SVEP1: variants seen among roughly 807,000 people sequenced by gnomAD.
SVEP1 encodes sushi, von Willebrand factor type A, EGF and pentraxin domain-containing protein 1.
Under a neutral mutation model 367.3 loss-of-function variants are expected in SVEP1, and 164 were observed. That is an observed-to-expected ratio of 0.45 (90% CI 0.39 to 0.51). SVEP1 has a LOEUF of 0.51. SVEP1 is among the 20% of genes least tolerant of loss of function. The pLI, the probability that SVEP1 is intolerant of heterozygous loss-of-function variation, is 0.00. For synonymous variants in SVEP1, 1,666 were observed against 1,611.6 expected (o/e 1.03, Z -0.81); for missense variants, 4,117 against 4,425.3 (o/e 0.93, Z 1.98).
intron 14 of SVEP1, among the ~76,000 whole-genome samples, chr9:110,474,117 CA>C (rs1047449422): frequency 6.6e-5 from 10 of 152,162 alleles, no homozygotes; most frequent in Non-Finnish European, 2.9e-5. Flanking sequence ...TCTCCTGCCT[CA>C]GCCTCCCGAG....
chr9:110,562,267 A>T (rs1204234608), intron 1 of SVEP1, among the ~76,000 whole-genome samples: 2 of 152,200 alleles, frequency 1.3e-5, no homozygotes, highest in Non-Finnish European at 2.9e-5. Flanking sequence ...ATCCAAATGA[A>T]AATTGGAGGC....
intron 3 of SVEP1, among the ~76,000 whole-genome samples, chr9:110,531,729 T>A (rs1011254711): frequency 1.3e-5 from 2 of 152,180 alleles, no homozygotes; most frequent in Non-Finnish European, 2.9e-5. Context: ...ATGGATTTGT[T>A]AAATAGCTCG....
chr9:110,402,632 G>C (rs931855704), intron 39 of SVEP1, among the ~76,000 whole-genome samples: 1 of 151,812 alleles, frequency 6.6e-6, no homozygotes, highest in Non-Finnish European at 1.5e-5. Context: ...CAGTATCACA[G>C]AGTTCTCCAG....
intron 47 of SVEP1, among the ~76,000 whole-genome samples, 194 bp from the exon 48 acceptor site, chr9:110,366,754 A>G (rs575160990): frequency 6.6e-6 from 1 of 152,322 alleles, no homozygotes; most frequent in African/African-American, 2.4e-5. Context: ...TAACTTATGG[A>G]AAGATCTGAG....
At chr9:110,528,156 GTATATATATATATATA>G (rs59360366) in intron 3 of SVEP1, among the ~76,000 whole-genome samples, 21 of 33,948 alleles carry the variant, frequency 6.2e-4, no homozygotes, top group Non-Finnish European at 9.7e-4. Context: ...GTGTGTGTGT[GTATATATATATATATA>G]TATATATATA....
intron 24 of SVEP1, among the ~76,000 whole-genome samples, chr9:110,447,489 T>C (rs1244815316): frequency 6.6e-6 from 1 of 152,240 alleles, no homozygotes; most frequent in Admixed American, 6.5e-5. Flanking sequence ...CCAAGTTCTA[T>C]TGCTACCAAG....
At chr9:110,491,338 T>C (rs1250509432) in intron 8 of SVEP1, among the ~76,000 whole-genome samples, 1 of 152,002 alleles carries the variant, frequency 6.6e-6, no homozygotes, top group Non-Finnish European at 1.5e-5. Flanking sequence ...TTTTGCTTTT[T>C]AAATTTTTTC....
At chr9:110,473,468 A>G (rs1165903002) in intron 14 of SVEP1, among the ~76,000 whole-genome samples, 3 of 152,118 alleles carry the variant, frequency 2.0e-5, no homozygotes, top group Admixed American at 6.5e-5. Context: ...ACACACACAA[A>G]CCTGGAATAA....
rs368988305 is a variant in SVEP1, at chr9:110,377,288, C to T, written c.10487G>A (p.Gly3496Glu). Residue 3496 changes from glycine (G) to glutamate (E), a missense_variant, in exon 45 of 48, where the codon GGG becomes GAG. Transcript: ENST00000374469. The part of the protein sequence containing the change: ...NACSCPEGWM[G>E]RLCEEPICIL... Reference sequence around the variant, plus strand: ...CAACTCACGTTCTTCACAGAGGCGCCCCATCCAGCCCTCTGGACAGGAACA... The same window carrying T: ...CAACTCACGTTCTTCACAGAGGCGCTCCATCCAGCCCTCTGGACAGGAACA... The T allele has an allele frequency of 6.2e-7, 1 of 1,613,376 alleles. No homozygotes were observed. Among genetic ancestry groups the T allele is most frequent in the African/African-American group, 1.3e-5 (1 of 74,918 alleles).
chr9:110,555,418 C>T (rs565440383), intron 1 of SVEP1, among the ~76,000 whole-genome samples: 7 of 152,180 alleles, frequency 4.6e-5, no homozygotes, highest in Admixed American at 1.3e-4. Context: ...GGTACATGCA[C>T]GTGTGTATGT....
chr9:110,513,568 T>G (rs536208022), intron 4 of SVEP1, among the ~76,000 whole-genome samples: 1 of 152,332 alleles, frequency 6.6e-6, no homozygotes, highest in South Asian at 2.1e-4. Context: ...TGAGACCCTT[T>G]ACTTATAAAA....
Position 110,387,465 on chromosome 9 carries a change from A to G in SVEP1, c.9887-7T>C. Reference sequence around the variant, plus strand: ...GGAGTTTCACACCTGGTCTCTAAAAACAAGAATAAAAGCCTCATATTAATT... The same window carrying G: ...GGAGTTTCACACCTGGTCTCTAAAAGCAAGAATAAAAGCCTCATATTAATT... On this transcript the variant is annotated splice_polypyrimidine_tract_variant and splice_region_variant and intron_variant, in intron 41 of 47. Coordinates refer to ENST00000374469, the MANE Select transcript of SVEP1 (RefSeq NM_153366.4). The G allele has an allele frequency of 6.3e-7, 1 of 1,593,180 alleles. No individual in the cohort carries two copies. The highest frequency in any genetic ancestry group is 8.5e-7 in the Non-Finnish European group (1 of 1,173,958).
At chr9:110,462,801 C>T (rs1461968419) in intron 18 of SVEP1, among the ~76,000 whole-genome samples, 1 of 151,388 alleles carries the variant, frequency 6.6e-6, no homozygotes, top group Non-Finnish European at 1.5e-5. Context: ...ATGGAAATGA[C>T]CAGGAAAAAA....
intron 2 of SVEP1, among the ~76,000 whole-genome samples, chr9:110,548,163 T>C (rs1251988087): frequency 6.6e-6 from 1 of 152,138 alleles, no homozygotes; most frequent in African/African-American, 2.4e-5. Flanking sequence ...AAAGGAGAAA[T>C]AAAGGTAGCC....
intron 26 of SVEP1, among the ~76,000 whole-genome samples, chr9:110,445,148 G>C (rs1821127139): frequency 6.6e-6 from 1 of 152,196 alleles, no homozygotes; most frequent in Non-Finnish European, 1.5e-5. Context: ...TAAAAAAGCA[G>C]TGGTTTTAAA....
intron 36 of SVEP1, among the ~76,000 whole-genome samples, chr9:110,423,208 T>C (rs1297121640): frequency 7.6e-6 from 1 of 132,286 alleles, no homozygotes; most frequent in Non-Finnish European, 1.6e-5. Context: ...AAATTGTCAA[T>C]GTAGATTTGT....
intron 3 of SVEP1, among the ~76,000 whole-genome samples, chr9:110,516,158 A>G (rs866676770): frequency 6.7e-6 from 1 of 149,680 alleles, no homozygotes; most frequent in South Asian, 2.1e-4. Context: ...AATATAATAT[A>G]CTAAAACTAA....
intron 9 of SVEP1, among the ~76,000 whole-genome samples, chr9:110,486,289 T>A (rs1457669361): frequency 1.3e-5 from 2 of 152,204 alleles, no homozygotes; most frequent in African/African-American, 4.8e-5. Flanking sequence ...ATTCAGACAT[T>A]TTAAAGTTAA....
chr9:110,462,081 T>G (rs887285954), intron 18 of SVEP1, among the ~76,000 whole-genome samples: 7 of 152,186 alleles, frequency 4.6e-5, no homozygotes, highest in African/African-American at 1.7e-4. Context: ...TATCTCTGAG[T>G]ATGTATGAAA....
Sources: allele counts gnomAD v4.1 joint callset (sites outside exome capture counted in the v4.1 genomes callset), GRCh38; gene constraint gnomAD v4.1.1; transcripts MANE v1.5; gene names NCBI Gene and HGNC (gene_info 2026-07-23, HGNC 2026-07-21).